Variants in FGF14 observed in about 807,000 individuals in gnomAD.
The protein encoded by FGF14 is fibroblast growth factor 14.
A neutral mutation model predicts 25.5 loss-of-function variants in FGF14; 5 were observed. The ratio of observed to expected loss-of-function variants is 0.20; its 90% confidence interval spans 0.10 to 0.41. The LOEUF (loss-of-function observed/expected upper bound fraction) is 0.41. FGF14 is among the 10% of genes least tolerant of loss of function. FGF14 has a pLI of 1.00. For synonymous variants in FGF14, 138 were observed against 118.3 expected (o/e 1.17, Z -1.08); for missense variants, 222 against 320.1 (o/e 0.69, Z 2.34).
intron 1 of FGF14, among the ~76,000 whole-genome samples, chr13:102,249,957 G>A (rs2141065399): frequency 6.6e-6 from 1 of 152,188 alleles, no homozygotes; most frequent in Admixed American, 6.5e-5. Flanking sequence ...GGACTAAGGG[G>A]GAGGCATGAG....
chr13:102,021,736 C>T (rs1290444449), intron 1 of FGF14, among the ~76,000 whole-genome samples: 3 of 152,004 alleles, frequency 2.0e-5, no homozygotes, highest in East Asian at 3.9e-4. Context: ...ATACTCACTG[C>T]CAGAAATACC....
intron 3 of FGF14, among the ~76,000 whole-genome samples, chr13:101,852,970 A>G (rs2043934483): frequency 2.0e-5 from 3 of 152,100 alleles, no homozygotes; most frequent in Admixed American, 2.0e-4. Context: ...TGGTAAGGAA[A>G]TTAATAATTT....
intron 1 of FGF14, among the ~76,000 whole-genome samples, chr13:102,232,743 C>A (rs1042219399): frequency 3.3e-5 from 5 of 152,140 alleles, no homozygotes; most frequent in African/African-American, 1.2e-4. Flanking sequence ...TCAGGCTTTT[C>A]TTTTACAATT....
intron 1 of FGF14, among the ~76,000 whole-genome samples, chr13:102,153,538 G>T (rs909545776): frequency 6.6e-6 from 1 of 152,120 alleles, no homozygotes; most frequent in Non-Finnish European, 1.5e-5. Context: ...GATCAAATGA[G>T]ATACAGTACA....
chr13:102,024,197 T>G (rs2040811387), intron 1 of FGF14, among the ~76,000 whole-genome samples: 1 of 152,098 alleles, frequency 6.6e-6, no homozygotes, highest in Admixed American at 6.5e-5. Flanking sequence ...TTTAAAGAAC[T>G]GTATGTGTTT....
intron 1 of FGF14, among the ~76,000 whole-genome samples, chr13:101,985,795 C>A (rs1262441475): frequency 6.6e-6 from 1 of 152,038 alleles, no homozygotes; most frequent in Non-Finnish European, 1.5e-5. Flanking sequence ...AGCTGTGGGA[C>A]TTTGATGCAG....
intron 1 of FGF14, among the ~76,000 whole-genome samples, chr13:102,217,692 A>G (rs1025607715): frequency 1.3e-5 from 2 of 152,206 alleles, no homozygotes; most frequent in African/African-American, 4.8e-5. Context: ...AAAGTAATTA[A>G]TAAGGATGTC....
At chr13:102,399,140 G>C (rs2058645620) in intron 1 of FGF14, among the ~76,000 whole-genome samples, 1 of 152,064 alleles carries the variant, frequency 6.6e-6, no homozygotes, top group African/African-American at 2.4e-5. Context: ...CTATTCCAGA[G>C]AGATGAAAGT....
intron 1 of FGF14, among the ~76,000 whole-genome samples, chr13:101,973,622 T>A (rs1425192314): frequency 6.6e-6 from 1 of 152,140 alleles, no homozygotes; most frequent in Non-Finnish European, 1.5e-5. Context: ...GCAGGAAGCA[T>A]CCAGCACGGG....
In FGF14 at chr13:101,717,932, T is replaced by A. The variant is rs1397512175; in HGVS notation, c.*4899A>T. The A allele has an allele frequency of 1.3e-5, 2 of 152,158 alleles. No homozygotes were observed. The highest frequency in any genetic ancestry group is 2.9e-5 in the Non-Finnish European group (2 of 68,014). 9.4% of individuals were successfully genotyped at this position (152,158 alleles called of 1,614,324 possible). A position where few individuals can be genotyped will look rare whatever the true frequency, so the allele number is the denominator to read the frequency against. The stretch of plus-strand genomic sequence containing the variant: ...AACTACAACAAAAGTGCTGCTCTTT[T>A]TCATAGTCTCATGTAAGAAGAGTGT... On this transcript the variant is annotated 3_prime_UTR_variant, in exon 5 of 5. Transcript: ENST00000376143.
chr13:101,804,833 A>T (rs2390653), intron 3 of FGF14, among the ~76,000 whole-genome samples: 36,031 of 152,020 alleles, frequency 0.24, 5,431 homozygotes, highest in Middle Eastern at 0.36. Context: ...TAAGAAAATT[A>T]TATCTTTGAT....
intron 1 of FGF14, among the ~76,000 whole-genome samples, chr13:101,960,959 T>C (rs1181418784): frequency 6.6e-6 from 1 of 152,264 alleles, no homozygotes; most frequent in Non-Finnish European, 1.5e-5. Context: ...TTTAGCTTTT[T>C]TTCATAGGTT....
chr13:101,976,345 T>C (rs1838833609), intron 1 of FGF14, among the ~76,000 whole-genome samples: 1 of 152,212 alleles, frequency 6.6e-6, no homozygotes, highest in African/African-American at 2.4e-5. Flanking sequence ...TAATAAGCAT[T>C]GATGCGCTAG....
intron 1 of FGF14, among the ~76,000 whole-genome samples, chr13:102,376,185 T>C (rs1438031675): frequency 6.6e-6 from 1 of 152,104 alleles, no homozygotes; most frequent in Non-Finnish European, 1.5e-5. Context: ...TGGGGGCAGT[T>C]TTCCCCATAC....
At chr13:102,216,639 C>T (rs61544623) in intron 1 of FGF14, among the ~76,000 whole-genome samples, 1 of 152,186 alleles carries the variant, frequency 6.6e-6, no homozygotes, top group East Asian at 1.9e-4. Context: ...TATCCTTAAA[C>T]ACTTATTGTT....
intron 1 of FGF14, among the ~76,000 whole-genome samples, chr13:102,109,383 C>G (rs7336786): frequency 0.041 from 6,254 of 152,048 alleles, 281 homozygotes; most frequent in African/African-American, 0.097. Context: ...GTTTTGTATA[C>G]TTGAAAATTG....
intron 3 of FGF14, among the ~76,000 whole-genome samples, chr13:101,816,836 T>G (rs914864770): frequency 4.6e-5 from 7 of 152,326 alleles, no homozygotes; most frequent in African/African-American, 1.2e-4. Flanking sequence ...ATTATCACTT[T>G]ATTTCTACAG....
At chr13:102,246,751 C>CAG (rs1555386338) in intron 1 of FGF14, among the ~76,000 whole-genome samples, 1 of 148,082 alleles carries the variant, frequency 6.8e-6, no homozygotes, top group Non-Finnish European at 1.5e-5. Flanking sequence ...TTATATGGAA[C>CAG]ATATATATAT....
At position 101,981,082 on chromosome 13, in the gene FGF14, A is replaced by AACACACACACACACAC. The variant is rs58666555; in HGVS notation, c.209-105802_209-105787dup. ...CATGGTGAAACCTCGTCTCTACTAA[A>AACACACACACACACAC]ACACACACACACACACACACACACA... On this transcript the variant is annotated intron_variant, in intron 1 of 4. Coordinates refer to the FGF14 transcript ENST00000376131. 1.6e-3 allele frequency among the ~76,000 whole-genome samples: 196 copies of AACACACACACACACAC among 123,778 alleles called. 3 individuals carry two copies. In the East Asian group the frequency reaches 0.018, roughly 11 times the overall value. The allele number at this position is 123,778 out of a possible 152,430, so 81.2% of individuals were successfully genotyped here.
Sources: allele counts gnomAD v4.1 joint callset (sites outside exome capture counted in the v4.1 genomes callset), GRCh38; gene constraint gnomAD v4.1.1; transcripts MANE v1.5; gene names NCBI Gene and HGNC (gene_info 2026-07-23, HGNC 2026-07-21).